The following ADGRB3 variants were observed in gnomAD, a reference collection of about 807,000 sequenced individuals.
The protein encoded by ADGRB3 is brain-specific angiogenesis inhibitor 3.
A neutral mutation model predicts 193.4 loss-of-function variants in ADGRB3; 37 were observed. The observed-to-expected ratio is 0.19, with a 90% confidence interval of 0.15 to 0.25. The LOEUF (loss-of-function observed/expected upper bound fraction) is 0.25, where lower values mean the gene tolerates loss of function less well. Ranked by LOEUF, ADGRB3 falls within the 10% of genes least tolerant of loss-of-function variation. The probability of loss-of-function intolerance (pLI) is 1.00; values close to 1 mark genes in which losing one functional copy is unlikely to be tolerated. For missense variants in ADGRB3, 1,637 were observed against 1,852.9 expected (o/e 0.88, Z 2.14); for synonymous variants, 690 against 644.2 (o/e 1.07, Z -1.08).
chr6:68,947,712 A>G (rs573952346), intron 6 of ADGRB3, among the ~76,000 whole-genome samples: 1 of 152,216 alleles, frequency 6.6e-6, no homozygotes, highest in East Asian at 1.9e-4. Flanking sequence ...AGTAATACCC[A>G]CTTCATAGGA....
chr6:68,865,027 C>T (rs1185436547), intron 3 of ADGRB3, among the ~76,000 whole-genome samples: 1 of 152,108 alleles, frequency 6.6e-6, no homozygotes, highest in Non-Finnish European at 1.5e-5. Flanking sequence ...AAATTGCCTG[C>T]TTTCTATACT....
At chr6:68,667,341 GGT>G (rs1327817270) in intron 3 of ADGRB3, among the ~76,000 whole-genome samples, 1 of 151,770 alleles carries the variant, frequency 6.6e-6, no homozygotes, top group African/African-American at 2.4e-5. Context: ...GCTACCTGGT[GGT>G]TTCACAGTTC....
intron 3 of ADGRB3, among the ~76,000 whole-genome samples, chr6:68,657,892 A>G (rs963200915): frequency 6.6e-6 from 1 of 151,372 alleles, no homozygotes; most frequent in African/African-American, 2.4e-5. Context: ...CCCCAAATGT[A>G]TAAACTTTTC....
At chr6:69,346,592 A>G (rs1321374123) in intron 26 of ADGRB3, among the ~76,000 whole-genome samples, 1 of 152,212 alleles carries the variant, frequency 6.6e-6, no homozygotes, top group African/African-American at 2.4e-5. Flanking sequence ...GCCAACAAAC[A>G]TATGAAAAAT....
chr6:69,106,114 G>A (rs547054651), intron 17 of ADGRB3, among the ~76,000 whole-genome samples: 2 of 133,220 alleles, frequency 1.5e-5, no homozygotes, highest in Non-Finnish European at 3.1e-5. Flanking sequence ...AGCTGAGATC[G>A]TGCCACTGCA....
intron 17 of ADGRB3, among the ~76,000 whole-genome samples, chr6:69,106,164 T>TAAAAAAAAAAAAAAAAAAAAAA (rs61114782): frequency 1.8e-4 from 16 of 91,060 alleles, no homozygotes; most frequent in East Asian, 1.0e-3. Flanking sequence ...GAGACTGCGT[T>TAAAAAAAAAAAAAAAAAAAAAA]AAAAAAAAAA....
intron 3 of ADGRB3, among the ~76,000 whole-genome samples, chr6:68,876,727 C>T (rs1456082605): frequency 6.6e-6 from 1 of 152,098 alleles, no homozygotes; most frequent in Non-Finnish European, 1.5e-5. Context: ...TAAACAGTTA[C>T]ATTTATGTAT....
intron 17 of ADGRB3, among the ~76,000 whole-genome samples, chr6:69,214,986 T>A (rs1392510679): frequency 6.6e-6 from 1 of 151,966 alleles, no homozygotes; most frequent in Non-Finnish European, 1.5e-5. Context: ...AAAACATCAC[T>A]CTCCATCTAC....
chr6:69,260,200 G>T (rs1766894398), intron 20 of ADGRB3, among the ~76,000 whole-genome samples: 1 of 152,168 alleles, frequency 6.6e-6, no homozygotes, highest in South Asian at 2.1e-4. Context: ...TATGTCATTT[G>T]AATGCATAGT....
chr6:69,307,070 G>C (rs1459231103), intron 20 of ADGRB3, among the ~76,000 whole-genome samples: 1 of 150,996 alleles, frequency 6.6e-6, no homozygotes, highest in African/African-American at 2.4e-5. Flanking sequence ...TATAAAAATA[G>C]CTTTTTTTTT....
intron 3 of ADGRB3, among the ~76,000 whole-genome samples, chr6:68,853,292 AC>A (rs1312555490): frequency 6.6e-6 from 1 of 152,036 alleles, no homozygotes; most frequent in Non-Finnish European, 1.5e-5. Flanking sequence ...AAACCAATTA[AC>A]ATCTTATAAT....
chr6:69,003,786 A>C (rs567079101), intron 11 of ADGRB3, among the ~76,000 whole-genome samples: 77 of 152,204 alleles, frequency 5.1e-4, no homozygotes, highest in Non-Finnish European at 4.3e-4. Context: ...AACATGGTTA[A>C]ATCCTACCGT....
chr6:68,853,472 A>T (rs1029711585), intron 3 of ADGRB3, among the ~76,000 whole-genome samples: 10 of 152,188 alleles, frequency 6.6e-5, no homozygotes, highest in African/African-American at 2.4e-4. Context: ...ACAGGTTTTC[A>T]TTACTGGAGA....
At chr6:69,374,900 G>A (rs1054675928) in intron 30 of ADGRB3, among the ~76,000 whole-genome samples, 1 of 151,954 alleles carries the variant, frequency 6.6e-6, no homozygotes, top group Non-Finnish European at 1.5e-5. Flanking sequence ...TGACAACTAT[G>A]GAAGAGACGT....
At chr6:68,724,913 G>A (rs543940987) in intron 3 of ADGRB3, among the ~76,000 whole-genome samples, 20 of 151,694 alleles carry the variant, frequency 1.3e-4, no homozygotes, top group Non-Finnish European at 2.4e-4. Flanking sequence ...TTTGCAACTA[G>A]CGTACACACC....
At chr6:69,154,204 A>G (rs1181809754) in intron 17 of ADGRB3, among the ~76,000 whole-genome samples, 1 of 152,168 alleles carries the variant, frequency 6.6e-6, no homozygotes, top group African/African-American at 2.4e-5. Flanking sequence ...TCAGTGTTTT[A>G]GGAGGGATCG....
rs1233284408 is a variant in ADGRB3 at position 69,319,378 on chromosome 6, C to T, written c.2815-5494C>T. 3.3e-5 allele frequency among the ~76,000 whole-genome samples: 5 copies of T among 151,252 alleles called. No homozygotes were observed. In the South Asian group the frequency reaches 6.2e-4, roughly 19 times the overall value. On this transcript the variant is annotated intron_variant, in intron 20 of 31. Coordinates refer to ENST00000370598, the MANE Select transcript of ADGRB3 (RefSeq NM_001704.3). ...GAATTTATTTTATTTCACTTTCTAT[C>T]CTAAGAGGTTCCATTTGTATATTAA... is the stretch of plus-strand genomic sequence containing the variant.
chr6:68,709,402 C>T (rs1212758340), intron 3 of ADGRB3, among the ~76,000 whole-genome samples: 1 of 152,120 alleles, frequency 6.6e-6, no homozygotes, highest in Non-Finnish European at 1.5e-5. Flanking sequence ...ACTTAAATGA[C>T]ATGATGTTTT....
At chr6:69,297,447 A>G (rs1245085537) in intron 20 of ADGRB3, among the ~76,000 whole-genome samples, 1 of 132,790 alleles carries the variant, frequency 7.5e-6, no homozygotes, top group African/African-American at 2.9e-5. Flanking sequence ...AAGCCTTTTG[A>G]TGTTAAGCTA....
Sources: gnomAD v4.1 joint callset for allele counts (sites outside exome capture counted in the v4.1 genomes callset) on GRCh38, gnomAD v4.1.1 for gene constraint, MANE v1.5 for transcripts, NCBI Gene and HGNC (gene_info 2026-07-23, HGNC 2026-07-21) for gene names.